The following NECTIN1 variants were observed in gnomAD, a reference collection of about 807,000 sequenced individuals.
NECTIN1 encodes the protein nectin-1.
In NECTIN1, 23 loss-of-function variants were observed where a neutral mutation model predicts 48.0. The observed-to-expected ratio is 0.48, with a 90% CI of 0.34 to 0.68. NECTIN1 has a LOEUF of 0.68. NECTIN1 is among the 30% of genes least tolerant of loss of function. The pLI, the probability that NECTIN1 is intolerant of heterozygous loss-of-function variation, is 0.01. For synonymous variants in NECTIN1, 270 were observed against 288.9 expected (o/e 0.93, Z 0.66); for missense variants, 591 against 709.9 (o/e 0.83, Z 1.90).
Position 119,672,125 on chromosome 11 carries a change from G to A in NECTIN1, c.1003+3034C>T, listed in dbSNP as rs1365217762. Among the ~76,000 whole-genome samples the A allele has an allele frequency of 6.6e-6, 1 of 152,246 alleles. No individual in the cohort carries two copies. The highest frequency in any genetic ancestry group is 1.5e-5 in the Non-Finnish European group (1 of 68,040). On this transcript the variant is annotated intron_variant, in intron 5 of 5. Coordinates refer to ENST00000264025, the MANE Select transcript of NECTIN1 (RefSeq NM_002855.5). The surrounding 1 kb of genome is among the most constrained non-coding windows in gnomAD (Gnocchi z 4.3). ...GGCAGACTGTGACCCTCACCTGCAA[G>A]GGATGAGCCCGGGCTTCACTGGAAA... is the stretch of plus-strand genomic sequence containing the variant.
downstream of NECTIN1, chr11:119,656,359 G>A (rs1864574124): frequency 6.6e-6 from 1 of 152,238 alleles, no homozygotes; most frequent in South Asian, 2.1e-4. Flanking sequence ...ATACAGAGAC[G>A]ATTAGCATGG....
At chr11:119,675,391 AG>A in intron 4 of NECTIN1, 81 bp from the exon 5 acceptor site, 1 of 1,488,050 alleles carries the variant, frequency 6.7e-7, no homozygotes. Context: ...ACTTGGCTCC[AG>A]GCCCCCTAGC....
chr11:119,713,646 G>T, intron 1 of NECTIN1: 2 of 331,734 alleles, frequency 6.0e-6, no homozygotes, highest in Non-Finnish European at 1.2e-5. Context: ...CTCAGCCTTG[G>T]GGGTGACAGG....
Position 119,675,220 on chromosome 11 carries a change from G to C in NECTIN1, c.942C>G (p.Tyr314Ter). The C allele has an allele frequency of 6.2e-7, 1 of 1,614,166 alleles. No individual in the cohort carries two copies. The highest frequency in any genetic ancestry group is 8.5e-7 in the Non-Finnish European group (1 of 1,180,048). ...GPINYSLAGT[Y>*]ICEATNPIGT... Reference sequence around the variant, plus strand: ...CGATGGGGTTGGTGGCCTCACAGATGTAGGTCCCTGCCAGGCTGTAGTTGA... The same window carrying C: ...CGATGGGGTTGGTGGCCTCACAGATCTAGGTCCCTGCCAGGCTGTAGTTGA... Residue 314 changes from tyrosine to a stop codon, truncating the protein, a stop_gained, in exon 5 of 6, where the codon TAC (tyrosine) becomes TAG (stop). Transcript: ENST00000264025. LOFTEE classifies it high-confidence loss of function.
At chr11:119,659,950 C>T (rs1289881415), downstream of NECTIN1, among the ~76,000 whole-genome samples, 1 of 152,228 alleles carries the variant, frequency 6.6e-6, no homozygotes, top group East Asian at 1.9e-4. Context: ...CGAATATCAA[C>T]ATCTAAACAC....
chr11:119,718,540 C>A (rs1333748144), intron 1 of NECTIN1, among the ~76,000 whole-genome samples: 1 of 152,234 alleles, frequency 6.6e-6, no homozygotes, highest in Admixed American at 6.5e-5. Flanking sequence ...AAGTTTAGAA[C>A]AGGCTCTGGC....
rs550880676 is a variant in NECTIN1 at position 119,655,346 on chromosome 11, C to T, written c.1004-15334G>A. Among the ~76,000 whole-genome samples, 5 of 152,196 alleles carry T rather than the reference C, an allele frequency of 3.3e-5. No individual in the cohort carries two copies. In the East Asian group the frequency reaches 9.7e-4, roughly 29 times the overall value. On this transcript the variant is annotated intron_variant, in intron 5 of 7. Coordinates refer to the NECTIN1 transcript ENST00000341398. The stretch of plus-strand genomic sequence containing the variant: ...CTCTCCCACTATTAAAAATCCCGTA[C>T]TAAAAATAAAAAACATTCTACACCA...
chr11:119,694,132 T>C (rs7110874), intron 1 of NECTIN1, among the ~76,000 whole-genome samples: 67,953 of 151,944 alleles, frequency 0.45, 15,568 homozygotes, highest in East Asian at 0.59. Flanking sequence ...TGTCTGCTCT[T>C]GACTCCCCAT....
chr11:119,661,377 G>T lies in NECTIN1; in HGVS notation c.*3370C>A, dbSNP rs1864660989. ...TGGCAGCAGTGGCAGCAGCAGAGGG[G>T]CCTGCCTCCTGGCATCCCCGGTACT... On this transcript the variant is annotated 3_prime_UTR_variant, in exon 6 of 6. Transcript: ENST00000264025. 2 of 986,490 alleles carry T rather than the reference G, an allele frequency of 2.0e-6. No individual in the cohort carries two copies. Among genetic ancestry groups the T allele is most frequent in the Non-Finnish European group, 2.4e-6 (2 of 830,452 alleles). 61.1% of individuals were successfully genotyped at this position (986,490 alleles called of 1,614,324 possible).
intron 5 of NECTIN1, among the ~76,000 whole-genome samples, chr11:119,649,173 G>T (rs906270693): frequency 2.0e-5 from 3 of 152,344 alleles, no homozygotes; most frequent in African/African-American, 7.2e-5. Flanking sequence ...GAGGTCAAGA[G>T]ATCGAGACTA....
At position 119,727,453 on chromosome 11, in the gene NECTIN1, G is replaced by A. The variant is rs1865927841; in HGVS notation, c.79+1022C>T. ...GTCTCTGGTTTCTACCCAGAGAGCT[G>A]GAGGAACTCCCCACACCCCTTGACC... On this transcript the variant is annotated intron_variant, in intron 1 of 5. Coordinates refer to ENST00000264025, the MANE Select transcript of NECTIN1 (RefSeq NM_002855.5). This position sits in a 1 kb window ranked among gnomAD's most constrained non-coding sequence, Gnocchi z 4.1. Among the ~76,000 whole-genome samples the A allele has an allele frequency of 6.6e-6, 1 of 152,116 alleles. No homozygotes were observed. The highest frequency in any genetic ancestry group is 2.4e-5 in the African/African-American group (1 of 41,422).
intron 1 of NECTIN1, among the ~76,000 whole-genome samples, chr11:119,726,586 C>T (rs1406536156): frequency 1.3e-5 from 2 of 152,218 alleles, no homozygotes; most frequent in Admixed American, 6.5e-5. Flanking sequence ...GTTCACCTCC[C>T]TGCTCCCACT....
At chr11:119,646,881 C>T (rs752326336) in intron 5 of NECTIN1, among the ~76,000 whole-genome samples, 3 of 152,202 alleles carry the variant, frequency 2.0e-5, no homozygotes, top group African/African-American at 4.8e-5. Flanking sequence ...GGACTGTTGT[C>T]GGCCATGAGT....
intron 1 of NECTIN1, among the ~76,000 whole-genome samples, chr11:119,692,629 T>C (rs1865277665): frequency 6.6e-6 from 1 of 152,228 alleles, no homozygotes; most frequent in African/African-American, 2.4e-5. Flanking sequence ...AGTTAACACA[T>C]GTGCACTGCT....
intron 1 of NECTIN1, among the ~76,000 whole-genome samples, chr11:119,688,761 C>T (rs1865204642): frequency 6.6e-6 from 1 of 152,002 alleles, no homozygotes; most frequent in Non-Finnish European, 1.5e-5. Flanking sequence ...GACAGAGGGT[C>T]CAGAAGTGGC....
intron 1 of NECTIN1, among the ~76,000 whole-genome samples, chr11:119,728,063 G>A (rs1456475704): frequency 6.6e-6 from 1 of 152,216 alleles, no homozygotes; most frequent in Non-Finnish European, 1.5e-5. Context: ...CCGCAGCTCC[G>A]AGACTGACGC....
chr11:119,675,941 G>A (rs892496704), intron 4 of NECTIN1, among the ~76,000 whole-genome samples: 4 of 152,002 alleles, frequency 2.6e-5, no homozygotes, highest in Admixed American at 6.6e-5. Context: ...GGGAGGCGGA[G>A]GTTGCAGTGA....
In NECTIN1 at chr11:119,664,478, G is replaced by C. The variant is rs138302957; in HGVS notation, c.*269C>G. 2.9e-5 allele frequency: 38 copies of C among 1,317,996 alleles called. No homozygotes were observed. The highest frequency in any genetic ancestry group is 2.1e-4 in the Admixed American group (6 of 28,526). The allele number at this position is 1,317,996 out of a possible 1,614,324, so 81.6% of individuals were successfully genotyped here. A position where few individuals can be genotyped will look rare whatever the true frequency, so the allele number is the denominator to read the frequency against. ...GGCTCCCTACACAGAGGGCAGGCAG[G>C]TGGGGCCCGTAAAGGGAAGATACAG... On this transcript the variant is annotated 3_prime_UTR_variant, in exon 6 of 6. Coordinates refer to ENST00000264025, the MANE Select transcript of NECTIN1 (RefSeq NM_002855.5).
Position 119,707,930 on chromosome 11 carries a change from T to C in NECTIN1, c.79+20545A>G, listed in dbSNP as rs1865575320. ...ACCTTTTGGGTGAAAGTGACAGTGG[T>C]AGTGGCAAGAGGAAGGAGCGTGGAG... On this transcript the variant is annotated intron_variant, in intron 1 of 5. Transcript: ENST00000264025. Among the ~76,000 whole-genome samples, 4 of 152,220 alleles carry C rather than the reference T, an allele frequency of 2.6e-5. No homozygotes were observed. In the South Asian group the frequency reaches 8.3e-4, roughly 32 times the overall value.
Sources: gnomAD v4.1 joint callset for allele counts (sites outside exome capture counted in the v4.1 genomes callset) on GRCh38, gnomAD v4.1.1 for gene constraint, Gnocchi (gnomAD v3.1) non-coding constraint, MANE v1.5 for transcripts, NCBI Gene and HGNC (gene_info 2026-07-23, HGNC 2026-07-21) for gene names.